Variants in CAST observed in about 807,000 individuals in gnomAD.
The protein encoded by CAST is calpastatin, also known as MIR583 host.
A neutral mutation model predicts 119.6 loss-of-function variants in CAST; 76 were observed. That is an observed-to-expected ratio of 0.64 (90% confidence interval 0.53 to 0.77). The LOEUF (loss-of-function observed/expected upper bound fraction) is 0.77. Ranked by LOEUF, CAST falls within the 30% of genes least tolerant of loss-of-function variation. The probability of loss-of-function intolerance (pLI) is 0.00; values close to 1 mark genes in which losing one functional copy is unlikely to be tolerated. For synonymous variants in CAST, 319 were observed against 331.6 expected (o/e 0.96, Z 0.41); for missense variants, 953 against 946.5 (o/e 1.01, Z -0.09).
the CAST span, among the ~76,000 whole-genome samples, chr5:96,099,492 A>G: frequency 1.3e-5 from 2 of 152,182 alleles, no homozygotes; most frequent in Non-Finnish European, 2.9e-5. Context: ...ATTTTGAGGT[A>G]TATTCCTTCA....
rs956065421 is a variant in CAST, at chr5:96,675,768, A to G, written c.138+167A>G. On this transcript the variant is annotated intron_variant, in intron 2 of 31. Transcript: ENST00000675179. ...AGAATATAAAAGGAAATCACTAAAAATAAATAAAAAAAATTGTTCCTGGGA... is the reference window on the plus strand; with the variant it reads ...AGAATATAAAAGGAAATCACTAAAAGTAAATAAAAAAAATTGTTCCTGGGA... The G allele has an allele frequency of 1.1e-5, 6 of 549,996 alleles. No homozygotes were observed. The African/African-American group carries it at 1.1e-4, about 11-fold the overall frequency. 34.1% of individuals were successfully genotyped at this position (549,996 alleles called of 1,614,324 possible). A position where few individuals can be genotyped will look rare whatever the true frequency, so the allele number is the denominator to read the frequency against.
At chr5:96,310,059 G>C in the CAST span, among the ~76,000 whole-genome samples, 1 of 152,220 alleles carries the variant, frequency 6.6e-6, no homozygotes, top group African/African-American at 2.4e-5. Flanking sequence ...TGTTAGCCAT[G>C]AGTTTCTTAC....
At chr5:96,534,688 G>GGGA (rs1561408693) in intron 1 of CAST, among the ~76,000 whole-genome samples, 3 of 36,910 alleles carry the variant, frequency 8.1e-5, no homozygotes, top group Admixed American at 4.2e-4. Flanking sequence ...GAGAGAGAGA[G>GGGA]AGGAAGGAAG....
At chr5:96,684,728 A>T (rs963967149) in intron 2 of CAST, among the ~76,000 whole-genome samples, 3 of 151,948 alleles carry the variant, frequency 2.0e-5, no homozygotes, top group African/African-American at 7.3e-5. Flanking sequence ...ACGCCCAAAT[A>T]ACTTTTTTAA....
chr5:96,047,416 G>T, the CAST span, among the ~76,000 whole-genome samples: 1 of 151,994 alleles, frequency 6.6e-6, no homozygotes, highest in Non-Finnish European at 1.5e-5. Context: ...GTTTCTATAA[G>T]AACTCAAATG....
At chr5:96,106,090 A>G in the CAST span, among the ~76,000 whole-genome samples, 2 of 151,960 alleles carry the variant, frequency 1.3e-5, no homozygotes, top group Non-Finnish European at 2.9e-5. Context: ...TATCCCCTTT[A>G]TCATTTTGTA....
At chr5:96,416,171 T>G in the CAST span, 15 of 1,266,594 alleles carry the variant, frequency 1.2e-5, no homozygotes, top group South Asian at 1.8e-4. Flanking sequence ...AACAAACATT[T>G]GTTTTGCATA....
chr5:96,566,778 T>C (rs891301288), intron 1 of CAST, among the ~76,000 whole-genome samples: 1 of 152,224 alleles, frequency 6.6e-6, no homozygotes, highest in Non-Finnish European at 1.5e-5. Context: ...ACATTGATGA[T>C]ACAAGTTTTA....
chr5:96,543,819 C>T (rs796930496), intron 1 of CAST, among the ~76,000 whole-genome samples: 7 of 152,246 alleles, frequency 4.6e-5, no homozygotes, highest in African/African-American at 1.7e-4. Context: ...AAAGATTATT[C>T]TTTCTCTATT....
At chr5:96,762,053 T>C in intron 24 of CAST, 1 of 379,888 alleles carries the variant, frequency 2.6e-6, no homozygotes, top group Admixed American at 4.2e-5. Flanking sequence ...GTATTTAGAA[T>C]AATCAATATG....
At chr5:96,119,658 G>T in the CAST span, among the ~76,000 whole-genome samples, 1 of 152,180 alleles carries the variant, frequency 6.6e-6, no homozygotes, top group Non-Finnish European at 1.5e-5. Context: ...AATGATTTAA[G>T]ATGACATATT....
At chr5:96,743,568 A>G (rs762051074) in intron 16 of CAST, 1 of 1,583,394 alleles carries the variant, frequency 6.3e-7, no homozygotes. Context: ...TCATCAGGGA[A>G]GGGGAGTCTC....
intron 1 of CAST, chr5:96,662,850 G>C (rs1045020716): frequency 1.1e-4 from 59 of 561,324 alleles, no homozygotes; most frequent in Non-Finnish European, 1.6e-4. Context: ...TGGACAGCGG[G>C]ATGTAGTCTT....
At chr5:96,707,084 T>G (rs1019434142) in intron 3 of CAST, among the ~76,000 whole-genome samples, 7 of 152,230 alleles carry the variant, frequency 4.6e-5, no homozygotes, top group African/African-American at 1.7e-4. Context: ...CCCTGAATTC[T>G]TTCTAATGAT....
chr5:96,271,825 C>T, the CAST span, among the ~76,000 whole-genome samples: 1 of 152,062 alleles, frequency 6.6e-6, no homozygotes, highest in Non-Finnish European at 1.5e-5. Flanking sequence ...ACAGACACCT[C>T]ACAGAATGGG....
chr5:96,145,931 T>C, the CAST span, among the ~76,000 whole-genome samples: 2 of 152,012 alleles, frequency 1.3e-5, no homozygotes, highest in African/African-American at 2.4e-5. Flanking sequence ...GGTAGCTCAG[T>C]TGGGGCTGTC....
At chr5:96,339,229 A>C in the CAST span, among the ~76,000 whole-genome samples, 2 of 152,330 alleles carry the variant, frequency 1.3e-5, no homozygotes, top group East Asian at 3.9e-4. Flanking sequence ...CATGCTACCA[A>C]GAAAATATGT....
the CAST span, among the ~76,000 whole-genome samples, chr5:96,245,547 CAG>C: frequency 6.6e-6 from 1 of 150,858 alleles, no homozygotes; most frequent in Non-Finnish European, 1.5e-5. Flanking sequence ...CCACTGACAA[CAG>C]AGTTTACTTA....
At chr5:96,013,762 A>T in the CAST span, among the ~76,000 whole-genome samples, 1 of 152,184 alleles carries the variant, frequency 6.6e-6, no homozygotes, top group Non-Finnish European at 1.5e-5. Flanking sequence ...GTATACCTAA[A>T]CATAAAAAAG....
Sources: allele counts gnomAD v4.1 joint callset (sites outside exome capture counted in the v4.1 genomes callset), GRCh38; gene constraint gnomAD v4.1.1; transcripts MANE v1.5; gene names NCBI Gene and HGNC (gene_info 2026-07-23, HGNC 2026-07-21).